The following EFTUD2 variants were observed in gnomAD, a reference collection of about 807,000 sequenced individuals.
The protein encoded by EFTUD2 is 116 kDa U5 small nuclear ribonucleoprotein component.
In EFTUD2, 9 loss-of-function variants were observed where a neutral mutation model predicts 114.3. The ratio of observed to expected loss-of-function variants is 0.08; its 90% CI spans 0.05 to 0.14. The LOEUF (loss-of-function observed/expected upper bound fraction) is 0.14, where lower values mean the gene tolerates loss of function less well. EFTUD2 is among the 10% of genes least tolerant of loss of function. EFTUD2 has a pLI of 1.00. For synonymous variants in EFTUD2, 449 were observed against 462.3 expected (o/e 0.97, Z 0.37); for missense variants, 765 against 1,241.2 (o/e 0.62, Z 5.76).
At chr17:44,858,861 T>C (rs1476103130) in intron 19 of EFTUD2, among the ~76,000 whole-genome samples, 5 of 151,946 alleles carry the variant, frequency 3.3e-5, no homozygotes, top group African/African-American at 1.2e-4. Flanking sequence ...GTGCTGGGAG[T>C]GAGCCACCAA....
In EFTUD2 at chr17:44,860,595, ATTTT is replaced by A. The variant is rs34404174; in HGVS notation, c.1608-56_1608-53del. 4.2e-3 allele frequency: 2,797 copies of A among 665,372 alleles called. No individual in the cohort carries two copies. The highest frequency in any genetic ancestry group is 5.3e-3 in the South Asian group (268 of 50,786). The allele number at this position is 665,372 out of a possible 1,614,324, so 41.2% of individuals were successfully genotyped here. ...TGAAACTTAGGCAGAGCATTCCCTAATTTTTTTTTTTTTTTTTTTTTTGAGACAG... is the reference window on the plus strand; with the variant it reads ...TGAAACTTAGGCAGAGCATTCCCTAATTTTTTTTTTTTTTTTTTGAGACAG... On this transcript the variant is annotated intron_variant, in intron 16 of 27. Transcript: ENST00000426333.
intron 18 of EFTUD2, chr17:44,859,698 C>T (rs2145457882): frequency 1.4e-6 from 1 of 732,708 alleles, no homozygotes; most frequent in African/African-American, 1.8e-5. Context: ...CCCCCTCCTA[C>T]ACAGGTCTTG....
intron 6 of EFTUD2, among the ~76,000 whole-genome samples, chr17:44,882,458 G>C (rs1226553104): frequency 6.6e-6 from 1 of 152,118 alleles, no homozygotes; most frequent in Non-Finnish European, 1.5e-5. Flanking sequence ...GTTTCGCCAT[G>C]TTGGCCAGGC....
intron 6 of EFTUD2, among the ~76,000 whole-genome samples, chr17:44,882,758 T>C (rs2145544702): frequency 6.6e-6 from 1 of 152,270 alleles, no homozygotes; most frequent in South Asian, 2.1e-4. Context: ...AAATTTACCA[T>C]GAAAACCAGG....
intron 15 of EFTUD2, 150 bp from the exon 16 acceptor site, chr17:44,863,056 A>C: frequency 1.7e-6 from 1 of 590,614 alleles, no homozygotes; most frequent in Non-Finnish European, 2.8e-6. Context: ...GTTCTACCCC[A>C]TCCCTCTGAG....
Position 44,860,536 on chromosome 17 carries a change from T to C in EFTUD2, c.1615A>G (p.Ile539Val). Residue 539 changes from isoleucine (I) to valine (V), a missense_variant, in exon 17 of 28, where the codon ATC becomes GTC. Coordinates refer to ENST00000426333, the MANE Select transcript of EFTUD2 (RefSeq NM_004247.4). ...CCAGCAGGAACACGGTTCACCTCGA[T>C]GTGGTACCTGAAGCAATGTCCAATA... ...RLWISVARYH[I>V]EVNRVPAGNW... is the part of the protein sequence containing the mutation. 6.2e-7 allele frequency: 1 copy of C among 1,609,846 alleles called. No homozygotes were observed. Among genetic ancestry groups the C allele is most frequent in the Non-Finnish European group, 8.5e-7 (1 of 1,176,312 alleles).
intron 3 of EFTUD2, among the ~76,000 whole-genome samples, chr17:44,886,043 C>T (rs1159129485): frequency 2.6e-5 from 4 of 152,094 alleles, no homozygotes; most frequent in African/African-American, 9.7e-5. Flanking sequence ...TCAAGACCAG[C>T]CAGGCCAACA....
chr17:44,877,869 C>A (rs1051029982), intron 9 of EFTUD2, among the ~76,000 whole-genome samples: 18 of 149,748 alleles, frequency 1.2e-4, no homozygotes, highest in Admixed American at 6.7e-4. Flanking sequence ...CGGTGGCTCA[C>A]GCCTGTAATC....
Position 44,886,651 on chromosome 17 carries a change from C to T in EFTUD2, c.205G>A (p.Ala69Thr). ...ACCTCAGGACCATACACCTCCTCGG[C>T]TGTTGGGTAGTACTTCTTGTCCTCA... Reference protein sequence around the residue: ...LHEDKKYYPTAEEVYGPEVET... With the variant: ...LHEDKKYYPTTEEVYGPEVET... The change falls in exon 3 of 28, where the codon GCC (alanine) becomes ACC (threonine). Residue 69 changes from alanine (A) to threonine (T), a missense_variant. Physicochemically the swap from Ala to Thr is moderately conservative, Grantham distance 58. Around this residue, in one of 6 missense-constraint regions of EFTUD2, gnomAD observed 121 missense variants for 133.7 expected, o/e 0.90. Coordinates refer to ENST00000426333, the MANE Select transcript of EFTUD2 (RefSeq NM_004247.4). 1 of 1,614,184 alleles carries T rather than the reference C, an allele frequency of 6.2e-7. No individual in the cohort carries two copies. Among genetic ancestry groups the T allele is most frequent in the Non-Finnish European group, 8.5e-7 (1 of 1,180,022 alleles).
At chr17:44,863,030 C>T (rs1274032430) in intron 15 of EFTUD2, 124 bp from the exon 16 acceptor site, 13 of 759,400 alleles carry the variant, frequency 1.7e-5, no homozygotes, top group Non-Finnish European at 2.1e-6. Context: ...ATGAGGTAGT[C>T]TCATCTCCAA....
At position 44,860,040 on chromosome 17, in the gene EFTUD2, C is replaced by G; in HGVS notation, c.1725G>C (p.Gln575His). The G allele has an allele frequency of 6.2e-7, 1 of 1,614,204 alleles. No homozygotes were observed. The highest frequency in any genetic ancestry group is 8.5e-7 in the Non-Finnish European group (1 of 1,180,046). ...TATTGAACTTCAAGGGTCGGAAAAT[C>G]TGAGCCTGAGATCCAAAGCACAAAG... ...ITEPRGNEEA[Q>H]IFRPLKFNTT... Residue 575 changes from glutamine (Q) to histidine (H), a missense_variant, in exon 18 of 28, where the codon CAG (glutamine) becomes CAC (histidine). By Grantham distance (24) the Gln-to-His change is conservative. Transcript: ENST00000426333.
chr17:44,868,381 C>G (rs754676210), intron 11 of EFTUD2, 31 bp from the exon 12 acceptor site: 9 of 1,608,726 alleles, frequency 5.6e-6, no homozygotes, highest in Non-Finnish European at 7.6e-6. Flanking sequence ...TTATAATCTA[C>G]CTAGCAAAGT....
chr17:44,852,394 G>A lies in EFTUD2; in HGVS notation c.2715+15C>T. On this transcript the variant is annotated intron_variant, in intron 26 of 27. Transcript: ENST00000426333. ...GGTGGGAAGCCAAGTCCGCCAGCCT[G>A]CATTGCTTTCTCACCTGCCAGTGGT... is the stretch of plus-strand genomic sequence containing the variant. The A allele has an allele frequency of 1.2e-6, 2 of 1,613,744 alleles. No homozygotes were observed. Among genetic ancestry groups the A allele is most frequent in the Non-Finnish European group, 1.7e-6 (2 of 1,179,952 alleles).
In EFTUD2 at chr17:44,863,738, C is replaced by T; in HGVS notation, c.1330G>A (p.Gly444Ser). 6.2e-7 allele frequency: 1 copy of T among 1,614,146 alleles called. No homozygotes were observed. Among genetic ancestry groups the T allele is most frequent in the Non-Finnish European group, 8.5e-7 (1 of 1,180,008 alleles). Residue 444 changes from glycine (G) to serine (S), a missense_variant, in exon 15 of 28, where the codon GGC (glycine) becomes AGC (serine). Physicochemically the swap from Gly to Ser is moderately conservative, Grantham distance 56. Coordinates refer to ENST00000426333, the MANE Select transcript of EFTUD2 (RefSeq NM_004247.4). ...CVQHIPSPKVGAKPKIEHTYT... is the reference protein window; with the variant it reads ...CVQHIPSPKVSAKPKIEHTYT... ...GTGTGCTCAATCTTGGGCTTGGCGC[C>T]CACCTTTGGAGAAGGGATATGCTGC...
chr17:44,859,393 G>C, intron 18 of EFTUD2: 1 of 592,020 alleles, frequency 1.7e-6, no homozygotes, highest in Non-Finnish European at 3.0e-6. Context: ...GTGATACTAG[G>C]TGTGAAGTCA....
intron 23 of EFTUD2, 80 bp from the exon 24 acceptor site, chr17:44,853,715 A>T: frequency 1.3e-6 from 2 of 1,586,602 alleles, no homozygotes; most frequent in Non-Finnish European, 1.7e-6. Flanking sequence ...AGTCTCCTGC[A>T]ACACTGCAGC....
intron 9 of EFTUD2, among the ~76,000 whole-genome samples, chr17:44,876,895 T>C (rs993707448): frequency 3.0e-5 from 4 of 133,820 alleles, no homozygotes; most frequent in African/African-American, 8.5e-5. Flanking sequence ...CTCCCCACTA[T>C]GAGCCAGAGC....
At chr17:44,896,725 A>T (rs1210571366) in intron 1 of EFTUD2, among the ~76,000 whole-genome samples, 1 of 152,232 alleles carries the variant, frequency 6.6e-6, no homozygotes, top group Non-Finnish European at 1.5e-5. Flanking sequence ...GCAATAAATA[A>T]CAGACTAGAG....
chr17:44,870,040 GT>G (rs1427605814), intron 11 of EFTUD2, among the ~76,000 whole-genome samples: 3 of 152,216 alleles, frequency 2.0e-5, no homozygotes, highest in Non-Finnish European at 4.4e-5. Context: ...CATGGGCATA[GT>G]TTCCCCTCAT....
Sources: allele counts gnomAD v4.1 joint callset (sites outside exome capture counted in the v4.1 genomes callset), GRCh38; gene constraint gnomAD v4.1.1; regional missense constraint gnomAD v4.1.1; transcripts MANE v1.5; gene names NCBI Gene and HGNC (gene_info 2026-07-23, HGNC 2026-07-21).